Variants in LRGUK observed in about 807,000 individuals in gnomAD.
LRGUK encodes the protein leucine rich repeats and guanylate kinase domain containing.
A neutral mutation model predicts 76.0 loss-of-function variants in LRGUK; 65 were observed. The observed-to-expected ratio is 0.85, with a 90% CI of 0.70 to 1.05. LRGUK has a LOEUF of 1.05. Ranked by LOEUF, LRGUK falls within the 50% of genes least tolerant of loss-of-function variation. The pLI is 0.00. For missense variants in LRGUK, 758 were observed against 732.8 expected (o/e 1.03, Z -0.40); for synonymous variants, 268 against 265.6 (o/e 1.01, Z -0.09).
exon 14 of LRGUK, chr7:134,199,273 G>A: frequency 6.2e-7 from 1 of 1,613,822 alleles, no homozygotes; most frequent in South Asian, 1.1e-5. Context: ...TCCTGGTGGT[G>A]CCCATGAACA....
chr7:134,186,192 G>C (rs1168651557), intron 11 of LRGUK, among the ~76,000 whole-genome samples: 8 of 152,170 alleles, frequency 5.3e-5, no homozygotes, highest in African/African-American at 1.9e-4. Context: ...ATATGCTACT[G>C]CTAAGACATA....
rs747975141 is a variant in LRGUK, at chr7:134,148,320, G to A, written c.670+1G>A. 4 of 1,554,300 alleles carry A rather than the reference G, an allele frequency of 2.6e-6. No homozygotes were observed. Among genetic ancestry groups the A allele is most frequent in the Non-Finnish European group, 3.5e-6 (4 of 1,142,478 alleles). ...GCTCTCACTAAACTAATTTTGGATG[G>A]TATCCTTTGAATAAGTAAAGGGGAA... On this transcript the variant is annotated splice_donor_variant, in intron 5 of 15. Coordinates refer to ENST00000645682, the Ensembl canonical transcript of LRGUK. LOFTEE classifies it high-confidence loss of function.
chr7:134,135,672 T>A (rs931067441), intron 1 of LRGUK, among the ~76,000 whole-genome samples: 2 of 152,208 alleles, frequency 1.3e-5, no homozygotes, highest in African/African-American at 4.8e-5. Context: ...GCTGCCTCCA[T>A]GCAGGTGGTA....
At chr7:134,252,478 TC>T (rs1802476110) in intron 18 of LRGUK, among the ~76,000 whole-genome samples, 2 of 152,132 alleles carry the variant, frequency 1.3e-5, no homozygotes, top group Non-Finnish European at 2.9e-5. Context: ...ATGGACCTCC[TC>T]CTTGGAGCAA....
chr7:134,130,592 T>A (rs1325959897), intron 1 of LRGUK, among the ~76,000 whole-genome samples: 1 of 152,240 alleles, frequency 6.6e-6, no homozygotes, highest in Non-Finnish European at 1.5e-5. Flanking sequence ...AACAAAGTTT[T>A]AAAAAGAAAC....
intron 19 of LRGUK, among the ~76,000 whole-genome samples, chr7:134,260,200 T>G (rs1286321407): frequency 3.3e-5 from 5 of 152,064 alleles, no homozygotes; most frequent in Non-Finnish European, 7.4e-5. Flanking sequence ...TATATATGAT[T>G]GTAACATATA....
intron 16 of LRGUK, among the ~76,000 whole-genome samples, 200 bp downstream of exon 16, chr7:134,222,118 C>A (rs1585575233): frequency 6.6e-6 from 1 of 152,210 alleles, no homozygotes; most frequent in African/African-American, 2.4e-5. Flanking sequence ...ATATCAGATT[C>A]TGTGAGTACC....
intron 16 of LRGUK, 101 bp downstream of exon 16, chr7:134,222,019 T>C: frequency 8.5e-7 from 1 of 1,172,716 alleles, no homozygotes; most frequent in Non-Finnish European, 1.1e-6. Flanking sequence ...TCCCCAAAAT[T>C]ATTCTCTCAC....
In LRGUK at chr7:134,209,915, G is replaced by C. The variant is rs1004353574; in HGVS notation, c.3052G>C (p.Ala1018Pro). Residue 1018 changes from alanine (A) to proline (P), a missense_variant, in exon 16 of 16, where the codon GCT becomes CCT. Ala to Pro is a conservative substitution (Grantham distance 27, BLOSUM62 -1). Transcript: ENST00000645682. ...GAAAGTGAGGCTCCCTCGCATTCCTGCTCCTCTTCCGGAGCCAGGGCTGCC... is the reference window on the plus strand; with the variant it reads ...GAAAGTGAGGCTCCCTCGCATTCCTCCTCCTCTTCCGGAGCCAGGGCTGCC... 1.7e-4 allele frequency: 69 copies of C among 399,102 alleles called. No individual in the cohort carries two copies. In the East Asian group the frequency reaches 2.5e-3, roughly 14 times the overall value. The allele number at this position is 399,102 out of a possible 1,614,324, so 24.7% of individuals were successfully genotyped here.
chr7:134,214,775 A>AACACAC (rs56096728), downstream of LRGUK, among the ~76,000 whole-genome samples: 639 of 146,840 alleles, frequency 4.4e-3, 9 homozygotes, highest in African/African-American at 0.012. Flanking sequence ...ATTAAATTTA[A>AACACAC]ACACACACAC....
rs538203196 is a variant in LRGUK, at chr7:134,136,107, G to A, written c.298-916G>A. On this transcript the variant is annotated intron_variant, in intron 1 of 15. Coordinates refer to ENST00000645682, the Ensembl canonical transcript of LRGUK. ...TATGCTAGTCATGGCTAGTTATGTC[G>A]GTGTGACTGATGTGATCACTTATGT... is the stretch of plus-strand genomic sequence containing the variant. Among the ~76,000 whole-genome samples the A allele has an allele frequency of 1.8e-4, 27 of 150,012 alleles. No individual in the cohort carries two copies. In the South Asian group the frequency reaches 2.1e-3, roughly 12 times the overall value.
At chr7:134,201,632 C>G in intron 15 of LRGUK, 56 bp downstream of exon 15, 1 of 1,303,824 alleles carries the variant, frequency 7.7e-7, no homozygotes, top group Non-Finnish European at 1.1e-6. Context: ...GAAAGGAAAA[C>G]AAATCTGAGT....
chr7:134,169,957 T>TA (rs1243111920), intron 7 of LRGUK, among the ~76,000 whole-genome samples: 22 of 152,148 alleles, frequency 1.4e-4, no homozygotes, highest in African/African-American at 5.1e-4. Context: ...ATTAGTGTCC[T>TA]ACCAGCAGTA....
At chr7:134,158,634 C>T (rs1798585692) in intron 6 of LRGUK, among the ~76,000 whole-genome samples, 1 of 152,024 alleles carries the variant, frequency 6.6e-6, no homozygotes, top group African/African-American at 2.4e-5. Flanking sequence ...GTCAGTCTTC[C>T]ACTATAGAAA....
chr7:134,250,691 G>A (rs141679126), intron 18 of LRGUK, among the ~76,000 whole-genome samples: 121 of 152,288 alleles, frequency 7.9e-4, no homozygotes, highest in African/African-American at 2.8e-3. Context: ...AGAGACCCTA[G>A]CATTATAATT....
intron 16 of LRGUK, among the ~76,000 whole-genome samples, chr7:134,233,448 A>C (rs898946789): frequency 3.9e-5 from 6 of 152,246 alleles, no homozygotes; most frequent in African/African-American, 1.2e-4. Context: ...ACAATTTAGC[A>C]AATATGTGTG....
At chr7:134,157,745 G>A (rs1006482221) in intron 5 of LRGUK, among the ~76,000 whole-genome samples, 10 of 152,206 alleles carry the variant, frequency 6.6e-5, no homozygotes, top group East Asian at 1.9e-4. Flanking sequence ...GGATGGTCTC[G>A]ATCTCCTGAC....
At chr7:134,198,589 G>A (rs1055683699) in intron 13 of LRGUK, among the ~76,000 whole-genome samples, 3 of 152,228 alleles carry the variant, frequency 2.0e-5, no homozygotes, top group Non-Finnish European at 4.4e-5. Context: ...CACCCGTGAG[G>A]AAACTGATAG....
chr7:134,271,471 T>C, the LRGUK span, among the ~76,000 whole-genome samples: 2 of 151,948 alleles, frequency 1.3e-5, no homozygotes, highest in South Asian at 4.1e-4. Context: ...AATGAACTTC[T>C]GTGTATGATG....
Sources: allele counts gnomAD v4.1 joint callset (sites outside exome capture counted in the v4.1 genomes callset), GRCh38; gene constraint gnomAD v4.1.1; transcripts MANE v1.5; gene names NCBI Gene and HGNC (gene_info 2026-07-23, HGNC 2026-07-21).